The following BMERB1 variants were observed in gnomAD, a reference collection of about 807,000 sequenced individuals.
The protein encoded by BMERB1 is bMERB domain containing 1, also known as bMERB domain-containing protein 1.
BMERB1 carries 12 observed loss-of-function variants against 23.6 expected under a neutral mutation model. That is an observed-to-expected ratio of 0.51 (90% CI 0.33 to 0.82). The LOEUF is 0.82. Ranked by LOEUF, BMERB1 falls within the 40% of genes least tolerant of loss-of-function variation. The pLI, the probability that BMERB1 is intolerant of heterozygous loss-of-function variation, is 0.03. For synonymous variants in BMERB1, 122 were observed against 96.6 expected (o/e 1.26, Z -1.54); for missense variants, 247 against 255.4 (o/e 0.97, Z 0.22).
intron 2 of BMERB1, among the ~76,000 whole-genome samples, chr16:15,550,192 G>A (rs1378883182): frequency 1.3e-5 from 2 of 152,042 alleles, no homozygotes; most frequent in Admixed American, 6.6e-5. Context: ...ACCCCGCCTC[G>A]GCCTCCCGAA....
chr16:15,480,992 A>T (rs2051316335), intron 1 of BMERB1, among the ~76,000 whole-genome samples: 1 of 152,204 alleles, frequency 6.6e-6, no homozygotes, highest in Non-Finnish European at 1.5e-5. Flanking sequence ...ATTTCATTAG[A>T]GCATTGTGTC....
chr16:15,508,256 G>C (rs1298756747), intron 1 of BMERB1, among the ~76,000 whole-genome samples: 1 of 152,084 alleles, frequency 6.6e-6, no homozygotes, highest in Non-Finnish European at 1.5e-5. Context: ...GGTAAACCTG[G>C]CTTTCCTAAC....
chr16:15,546,677 G>T (rs144095205), intron 2 of BMERB1, among the ~76,000 whole-genome samples: 9 of 152,268 alleles, frequency 5.9e-5, no homozygotes, highest in African/African-American at 7.2e-5. Context: ...GCTTCTTCTA[G>T]TCTAACTAAG....
chr16:15,464,663 G>C (rs922830525), intron 1 of BMERB1, among the ~76,000 whole-genome samples: 11 of 152,166 alleles, frequency 7.2e-5, no homozygotes, highest in African/African-American at 2.7e-4. Flanking sequence ...GTAACTTCCA[G>C]AAGTTGCCAT....
At chr16:15,575,149 G>A (rs1002242551) in intron 3 of BMERB1, among the ~76,000 whole-genome samples, 3 of 152,160 alleles carry the variant, frequency 2.0e-5, no homozygotes, top group Non-Finnish European at 4.4e-5. Flanking sequence ...TGGCCCATGG[G>A]TGTGACTCCC....
chr16:15,555,497 T>C (rs2030228361), intron 2 of BMERB1, among the ~76,000 whole-genome samples: 1 of 152,086 alleles, frequency 6.6e-6, no homozygotes, highest in Non-Finnish European at 1.5e-5. Context: ...CTTGAGGAAG[T>C]TGACATTTGG....
At chr16:15,531,060 A>G (rs1297262463) in intron 2 of BMERB1, among the ~76,000 whole-genome samples, 1 of 152,012 alleles carries the variant, frequency 6.6e-6, no homozygotes, top group East Asian at 1.9e-4. Context: ...ACCCGCTGCC[A>G]TGCCCAGCTA....
chr16:15,574,367 A>G lies in BMERB1; in HGVS notation c.304+6311A>G, dbSNP rs146914978. Among the ~76,000 whole-genome samples, 735 of 152,262 alleles carry G rather than the reference A, an allele frequency of 4.8e-3. 8 individuals carry two copies. Among genetic ancestry groups the G allele is most frequent in the South Asian group, 6.8e-3 (33 of 4,826 alleles). ...GGGTGGCGACACAAAGCCTAACCGTATCACCTACAAATGCAGTCTAGTTCC... is the reference window on the plus strand; with the variant it reads ...GGGTGGCGACACAAAGCCTAACCGTGTCACCTACAAATGCAGTCTAGTTCC... On this transcript the variant is annotated intron_variant, in intron 3 of 5. Coordinates refer to ENST00000300006, the MANE Select transcript of BMERB1 (RefSeq NM_033201.3).
chr16:15,517,327 G>A (rs2051773648), intron 2 of BMERB1, among the ~76,000 whole-genome samples: 1 of 152,068 alleles, frequency 6.6e-6, no homozygotes, highest in Non-Finnish European at 1.5e-5. Flanking sequence ...TGGCCAACAG[G>A]GCAAAAACCC....
chr16:15,492,133 T>TA lies in BMERB1; in HGVS notation c.107-23167dup, dbSNP rs2051426966. Among the ~76,000 whole-genome samples the TA allele has an allele frequency of 2.6e-5, 4 of 152,272 alleles. No individual in the cohort carries two copies. In the South Asian group the frequency reaches 8.3e-4, roughly 32 times the overall value. On this transcript the variant is annotated intron_variant, in intron 1 of 5. Coordinates refer to ENST00000300006, the MANE Select transcript of BMERB1 (RefSeq NM_033201.3). ...TCTTTGAAAGGAATTCCAGAGAGAG[T>TA]AAAAATCAGTGCCTATGAAAAGTAT...
intron 1 of BMERB1, among the ~76,000 whole-genome samples, chr16:15,475,205 C>T (rs555263817): frequency 4.6e-5 from 7 of 152,142 alleles, no homozygotes; most frequent in African/African-American, 1.2e-4. Context: ...TGAGTTGACT[C>T]GTACCACTTT....
chr16:15,494,916 C>T (rs1389552280), intron 1 of BMERB1, among the ~76,000 whole-genome samples: 2 of 109,356 alleles, frequency 1.8e-5, no homozygotes, highest in African/African-American at 7.2e-5. Context: ...AGGAGTCTTG[C>T]TCTGTTGCCC....
chr16:15,492,771 T>C (rs1360260109), intron 1 of BMERB1, among the ~76,000 whole-genome samples: 1 of 151,726 alleles, frequency 6.6e-6, no homozygotes, highest in Non-Finnish European at 1.5e-5. Flanking sequence ...ATACAAAAAC[T>C]AGCCAGGCAT....
At chr16:15,492,077 G>A (rs560957046) in intron 1 of BMERB1, among the ~76,000 whole-genome samples, 1 of 152,316 alleles carries the variant, frequency 6.6e-6, no homozygotes, top group African/African-American at 2.4e-5. Flanking sequence ...AGTCCCTGCA[G>A]AGGAGCGACC....
chr16:15,520,584 C>T (rs892610086), intron 2 of BMERB1, among the ~76,000 whole-genome samples: 3 of 151,344 alleles, frequency 2.0e-5, no homozygotes, highest in Non-Finnish European at 2.9e-5. Flanking sequence ...CCCGGGTTCA[C>T]GCCATTCTCC....
At chr16:15,519,608 C>G (rs2051824454) in intron 2 of BMERB1, among the ~76,000 whole-genome samples, 1 of 152,016 alleles carries the variant, frequency 6.6e-6, no homozygotes, top group Non-Finnish European at 1.5e-5. Context: ...CCAGGCTGGT[C>G]TTGAACTCCT....
chr16:15,497,898 T>C (rs956121410), intron 1 of BMERB1, among the ~76,000 whole-genome samples: 2 of 152,200 alleles, frequency 1.3e-5, no homozygotes, highest in African/African-American at 4.8e-5. Flanking sequence ...TGTTCTTCCC[T>C]CTCTTCAAGA....
chr16:15,556,611 G>C (rs1240345319), intron 2 of BMERB1, among the ~76,000 whole-genome samples: 1 of 152,044 alleles, frequency 6.6e-6, no homozygotes, highest in African/African-American at 2.4e-5. Flanking sequence ...TATTGAGACG[G>C]AGTCTCGCTC....
intron 2 of BMERB1, among the ~76,000 whole-genome samples, chr16:15,553,336 G>A (rs956072345): frequency 9.2e-5 from 14 of 152,180 alleles, no homozygotes; most frequent in African/African-American, 2.7e-4. Flanking sequence ...TTACCAAGGC[G>A]TGGTGGCATG....
Sources: gnomAD v4.1 joint callset for allele counts (sites outside exome capture counted in the v4.1 genomes callset) on GRCh38, gnomAD v4.1.1 for gene constraint, MANE v1.5 for transcripts, NCBI Gene and HGNC (gene_info 2026-07-23, HGNC 2026-07-21) for gene names.